The following BCKDHA variants were observed in gnomAD, a reference collection of about 807,000 sequenced individuals.
BCKDHA encodes the protein branched chain keto acid dehydrogenase E1 subunit alpha.
In BCKDHA, 43 loss-of-function variants were observed where a neutral mutation model predicts 52.2. The observed-to-expected ratio is 0.82, with a 90% CI of 0.64 to 1.06. BCKDHA has a LOEUF of 1.06. BCKDHA is among the 50% of genes least tolerant of loss of function. The pLI is 0.00. For synonymous variants in BCKDHA, 234 were observed against 247.9 expected (o/e 0.94, Z 0.53); for missense variants, 527 against 621.3 (o/e 0.85, Z 1.61).
chr19:41,405,855 G>A (rs780870298), intron 1 of BCKDHA, among the ~76,000 whole-genome samples: 41 of 152,318 alleles, frequency 2.7e-4, no homozygotes, highest in African/African-American at 5.5e-4. Context: ...CATCCAGAGC[G>A]GGCAGGTTGT....
intron 1 of BCKDHA, among the ~76,000 whole-genome samples, chr19:41,405,765 G>A (rs2039185638): frequency 6.6e-6 from 1 of 152,176 alleles, no homozygotes. Context: ...GGTCTGCTCA[G>A]TTAGAGTCCA....
rs748762939 is a variant in BCKDHA at position 41,410,731 on chromosome 19, T to A, written c.203T>A (p.Ile68Asn). The A allele has an allele frequency of 4.3e-6, 7 of 1,613,998 alleles. No individual in the cohort carries two copies. In the African/African-American group the frequency reaches 9.3e-5, roughly 22 times the overall value. Residue 68 changes from isoleucine (I) to asparagine (N), a missense_variant, in exon 2 of 9, where the codon ATC becomes AAC. Transcript: ENST00000269980. The part of the protein sequence containing the change: ...SAEFIDKLEF[I>N]QPNVISGIPI... ...GAGTTTATAGATAAGTTGGAATTCA[T>A]CCAGCCCAACGTCATCTCTGGAATC...
intron 1 of BCKDHA, among the ~76,000 whole-genome samples, chr19:41,408,167 G>A (rs1476350811): frequency 1.3e-5 from 2 of 151,926 alleles, no homozygotes; most frequent in Non-Finnish European, 2.9e-5. Flanking sequence ...CTGTTGCCCA[G>A]GCTGGTCTCA....
Position 41,419,252 on chromosome 19 carries a change from A to G in BCKDHA, c.602A>G (p.His201Arg). Residue 201 changes from histidine to arginine, a missense_variant, in exon 5 of 9, where the codon CAC becomes CGC. Coordinates refer to ENST00000269980, the MANE Select transcript of BCKDHA (RefSeq NM_000709.4). ...GTCCACTACGGCTGCAAGGAACGCC[A>G]CTTCGTCACTATCTCCTCTCCACTG... Reference protein sequence around the residue: ...MPVHYGCKERHFVTISSPLAT... With the variant: ...MPVHYGCKERRFVTISSPLAT... 7 of 1,614,176 alleles carry G rather than the reference A, an allele frequency of 4.3e-6. No individual in the cohort carries two copies. The highest frequency in any genetic ancestry group is 1.1e-5 in the South Asian group (1 of 91,076).
At chr19:41,401,644 A>C (rs187513902) in intron 1 of BCKDHA, among the ~76,000 whole-genome samples, 7 of 152,244 alleles carry the variant, frequency 4.6e-5, no homozygotes, top group Admixed American at 3.3e-4. Context: ...TGCTCAGGGA[A>C]AGGAGGAGGA....
chr19:41,418,508 A>G (rs1383598630), intron 4 of BCKDHA, among the ~76,000 whole-genome samples: 1 of 151,082 alleles, frequency 6.6e-6, no homozygotes, highest in East Asian at 1.9e-4. Context: ...TTAGTGGTCT[A>G]TGCTGTTATT....
intron 4 of BCKDHA, among the ~76,000 whole-genome samples, chr19:41,414,549 G>A (rs11670668): frequency 6.6e-6 from 1 of 151,978 alleles, no homozygotes; most frequent in South Asian, 2.1e-4. Context: ...GACCCTGTCT[G>A]CCTGGTGCAG....
intron 4 of BCKDHA, among the ~76,000 whole-genome samples, chr19:41,414,627 A>G (rs1316808265): frequency 6.6e-6 from 1 of 152,172 alleles, no homozygotes; most frequent in African/African-American, 2.4e-5. Context: ...GAACCTTGAC[A>G]GACCTGAGTG....
Position 41,423,091 on chromosome 19 carries a change from G to C in BCKDHA, c.1089G>C (p.Arg363=). The part of the protein sequence containing the change: ...YWDKQDHPIS[R]LRHYLLSQGW... ...ATAAACAGGACCACCCCATCTCCCG[G>C]CTGCGGCACTATCTGCTGAGCCAAG... is the stretch of plus-strand genomic sequence containing the variant. The change falls in exon 8 of 9, where the codon CGG becomes CGC. Residue 363 remains arginine, a synonymous_variant. Transcript: ENST00000269980. 6.4e-7 allele frequency: 1 copy of C among 1,574,446 alleles called. No homozygotes were observed. The highest frequency in any genetic ancestry group is 8.6e-7 in the Non-Finnish European group (1 of 1,159,756).
At chr19:41,399,488 T>C (rs1389401664) in intron 1 of BCKDHA, 3 of 152,070 alleles carry the variant, frequency 2.0e-5, no homozygotes, top group African/African-American at 7.2e-5. Flanking sequence ...CTCTCCTGTC[T>C]CAATCTCTTG....
chr19:41,398,378 A>C (rs116023298), intron 1 of BCKDHA, among the ~76,000 whole-genome samples: 3,422 of 152,332 alleles, frequency 0.022, 121 homozygotes, highest in African/African-American at 0.077. Context: ...TCCCTGTCAC[A>C]GGCTGCATAG....
At chr19:41,400,215 T>A (rs1045014558) in intron 1 of BCKDHA, 7 of 150,404 alleles carry the variant, frequency 4.7e-5, no homozygotes, top group Non-Finnish European at 8.9e-5. Flanking sequence ...CACAGGCACG[T>A]GCTACTACGC....
rs139081295 is a variant in BCKDHA, at chr19:41,421,543, T to A, written c.647-621T>A. Among the ~76,000 whole-genome samples the A allele has an allele frequency of 6.9e-3, 1,030 of 148,212 alleles. 17 individuals are homozygous for A. The highest frequency in any genetic ancestry group is 0.025 in the African/African-American group (987 of 39,660). On this transcript the variant is annotated intron_variant, in intron 5 of 8. Coordinates refer to ENST00000269980, the MANE Select transcript of BCKDHA (RefSeq NM_000709.4). ...GGAGCCCAGAGGGGCAGGTGTGGAG[T>A]GAGCAGGTGTGGAGTGAGCGGGTGT...
chr19:41,421,328 A>G (rs1048057926), intron 5 of BCKDHA, among the ~76,000 whole-genome samples: 1 of 151,944 alleles, frequency 6.6e-6, no homozygotes, highest in African/African-American at 2.4e-5. Flanking sequence ...AGAGATGGAG[A>G]GGGAACTCCT....
At chr19:41,406,266 GGTTT>G (rs2039191826) in intron 1 of BCKDHA, among the ~76,000 whole-genome samples, 1 of 152,154 alleles carries the variant, frequency 6.6e-6, no homozygotes, top group Admixed American at 6.6e-5. Context: ...CTGACACAGT[GGTTT>G]GTTCTCAGAC....
At chr19:41,418,897 C>G (rs535858497) in intron 4 of BCKDHA, 1 of 538,288 alleles carries the variant, frequency 1.9e-6, no homozygotes, top group Admixed American at 3.1e-5. Context: ...GTTGAAAGCA[C>G]TTAAATACCA....
chr19:41,410,314 A>T (rs1209736930), intron 1 of BCKDHA, among the ~76,000 whole-genome samples: 7 of 152,164 alleles, frequency 4.6e-5, no homozygotes. Flanking sequence ...TGGTAATGAG[A>T]ATAGTAATAG....
chr19:41,402,925 G>A (rs1382575569), intron 1 of BCKDHA, among the ~76,000 whole-genome samples: 2 of 133,198 alleles, frequency 1.5e-5, no homozygotes, highest in Non-Finnish European at 3.0e-5. Flanking sequence ...ACAGGCGTGA[G>A]CCACCATGTG....
chr19:41,412,297 C>T (rs935295071), intron 3 of BCKDHA, among the ~76,000 whole-genome samples: 3 of 151,840 alleles, frequency 2.0e-5, no homozygotes, highest in African/African-American at 7.3e-5. Flanking sequence ...TTGCCCACAC[C>T]AGAAACCTCA....
Sources: gnomAD v4.1 joint callset for allele counts (sites outside exome capture counted in the v4.1 genomes callset) on GRCh38, gnomAD v4.1.1 for gene constraint, MANE v1.5 for transcripts, NCBI Gene and HGNC (gene_info 2026-07-23, HGNC 2026-07-21) for gene names.